Variants in ADGRV1 observed in about 807,000 individuals in gnomAD.
ADGRV1 encodes adhesion G protein-coupled receptor V1.
Under a neutral mutation model 596.2 loss-of-function variants are expected in ADGRV1, and 359 were observed. The ratio of observed to expected loss-of-function variants is 0.60; its 90% CI spans 0.55 to 0.66. ADGRV1 has a LOEUF of 0.66. Ranked by LOEUF, ADGRV1 falls within the 30% of genes least tolerant of loss-of-function variation. ADGRV1 has a pLI of 0.00. For missense variants in ADGRV1, 7,274 were observed against 7,575.6 expected (o/e 0.96, Z 1.48); for synonymous variants, 2,681 against 2,679.2 (o/e 1.00, Z -0.02).
At chr5:90,715,335 G>T (rs1050760217) in intron 42 of ADGRV1, among the ~76,000 whole-genome samples, 1 of 152,210 alleles carries the variant, frequency 6.6e-6, no homozygotes, top group Non-Finnish European at 1.5e-5. Flanking sequence ...GCTTAGGACT[G>T]TCCCATGACA....
chr5:90,880,149 C>T (rs1302818432), intron 83 of ADGRV1, among the ~76,000 whole-genome samples: 1 of 152,042 alleles, frequency 6.6e-6, no homozygotes, highest in African/African-American at 2.4e-5. Context: ...GTAGACATTG[C>T]CATCCTCATT....
intron 39 of ADGRV1, among the ~76,000 whole-genome samples, chr5:90,709,478 T>A (rs1056792465): frequency 6.6e-6 from 1 of 152,180 alleles, no homozygotes; most frequent in Non-Finnish European, 1.5e-5. Context: ...AGTGTGGACA[T>A]TTACTACTGG....
In ADGRV1 at chr5:90,915,905, A is replaced by G. The variant is rs193237965; in HGVS notation, c.17857-49510A>G. 9.1e-4 allele frequency among the ~76,000 whole-genome samples: 138 copies of G among 152,202 alleles called. 1 individual carries two copies. The highest frequency in any genetic ancestry group is 3.2e-3 in the African/African-American group (134 of 41,518). On this transcript the variant is annotated intron_variant, in intron 83 of 89. Coordinates refer to ENST00000405460, the MANE Select transcript of ADGRV1 (RefSeq NM_032119.4). ...TAAGGCGTTTGGCCATACCTAACAT[A>G]ATTTATTTGTTCATACTTTCAAGCC...
chr5:90,821,881 C>G (rs1462882618), intron 75 of ADGRV1, among the ~76,000 whole-genome samples: 1 of 152,164 alleles, frequency 6.6e-6, no homozygotes, highest in Admixed American at 6.5e-5. Flanking sequence ...TTGTCTGTGC[C>G]CTGCCCCCAG....
intron 67 of ADGRV1, among the ~76,000 whole-genome samples, chr5:90,787,494 T>A (rs571710185): frequency 1.3e-5 from 2 of 152,018 alleles, no homozygotes; most frequent in Non-Finnish European, 1.5e-5. Context: ...TAATATAGAT[T>A]TTTATATGTT....
chr5:91,034,889 G>A (rs748884745), intron 85 of ADGRV1, among the ~76,000 whole-genome samples: 4 of 152,018 alleles, frequency 2.6e-5, no homozygotes, highest in African/African-American at 4.8e-5. Context: ...AGGTGCAAGC[G>A]GTCCTCCCCC....
chr5:90,887,164 A>G (rs1338352580), intron 83 of ADGRV1, among the ~76,000 whole-genome samples: 1 of 152,058 alleles, frequency 6.6e-6, no homozygotes, highest in African/African-American at 2.4e-5. Context: ...CATATCACCA[A>G]TCTACCACCC....
intron 1 of ADGRV1, among the ~76,000 whole-genome samples, chr5:90,571,823 T>G (rs1373109527): frequency 1.3e-5 from 2 of 152,106 alleles, no homozygotes; most frequent in African/African-American, 4.8e-5. Flanking sequence ...CTGGGAGAGT[T>G]GTGTGGGAAT....
At chr5:90,631,548 T>C (rs1765504018) in intron 9 of ADGRV1, among the ~76,000 whole-genome samples, 1 of 152,178 alleles carries the variant, frequency 6.6e-6, no homozygotes, top group Non-Finnish European at 1.5e-5. Flanking sequence ...TCTTTATTAT[T>C]ATTAATTTTT....
chr5:90,821,554 C>G (rs1386473606), intron 75 of ADGRV1, among the ~76,000 whole-genome samples: 4 of 151,026 alleles, frequency 2.6e-5, no homozygotes. Flanking sequence ...GTTTTATCTA[C>G]TTTTGGTCTT....
At chr5:91,040,102 A>T (rs1337519569) in intron 85 of ADGRV1, among the ~76,000 whole-genome samples, 1 of 152,162 alleles carries the variant, frequency 6.6e-6, no homozygotes, top group African/African-American at 2.4e-5. Flanking sequence ...AAATGTAGAA[A>T]ATTATTGTAA....
chr5:90,629,215 G>A lies in ADGRV1; in HGVS notation c.1515G>A (p.Leu505=), dbSNP rs2149382943. ...GAEVSEPAEL[L]FYIQDSDDVY... ...ATTTTATTCCTTTACTTCAGCTTTT[G>A]TTCTACATTCAGGATAGTGATGATG... The change falls in exon 9 of 90, where the codon TTG becomes TTA. Residue 505 remains leucine (L), a synonymous_variant. Transcript: ENST00000405460. 1 of 1,533,642 alleles carries A rather than the reference G, an allele frequency of 6.5e-7. No homozygotes were observed. The highest frequency in any genetic ancestry group is 8.8e-7 in the Non-Finnish European group (1 of 1,141,038).
chr5:90,720,746 T>C (rs961196453), intron 44 of ADGRV1, among the ~76,000 whole-genome samples, 189 bp from the exon 45 acceptor site: 3 of 152,214 alleles, frequency 2.0e-5, no homozygotes, highest in African/African-American at 7.2e-5. Context: ...GAATGACAAT[T>C]TTATTTCTTT....
chr5:90,788,894 TCA>T (rs1398966241), intron 68 of ADGRV1, among the ~76,000 whole-genome samples: 4 of 132,104 alleles, frequency 3.0e-5, no homozygotes, highest in African/African-American at 9.3e-5. Context: ...ACACACACAC[TCA>T]CACACACAGC....
At chr5:90,761,340 TG>T (rs1196903386) in intron 58 of ADGRV1, among the ~76,000 whole-genome samples, 1 of 152,222 alleles carries the variant, frequency 6.6e-6, no homozygotes, top group Admixed American at 6.5e-5. Flanking sequence ...AGTGTTGGAT[TG>T]GCAAAAGAGT....
chr5:91,102,373 C>T (rs367854314), intron 87 of ADGRV1, 33 bp downstream of exon 87: 98 of 1,539,948 alleles, frequency 6.4e-5, no homozygotes, highest in Non-Finnish European at 8.0e-5. Context: ...TGACAACATA[C>T]ATTTATCTTA....
intron 78 of ADGRV1, among the ~76,000 whole-genome samples, chr5:90,844,407 GTAT>G (rs1222210604): frequency 6.6e-6 from 1 of 152,072 alleles, no homozygotes; most frequent in East Asian, 1.9e-4. Flanking sequence ...AGTGGCACAA[GTAT>G]TATACTAAAA....
chr5:90,886,923 A>G (rs1288189776), intron 83 of ADGRV1, among the ~76,000 whole-genome samples: 3 of 152,066 alleles, frequency 2.0e-5, no homozygotes, highest in African/African-American at 7.2e-5. Context: ...TCCATCTACT[A>G]CCTTTTGCCA....
At chr5:90,709,829 A>T (rs1749099797) in intron 39 of ADGRV1, among the ~76,000 whole-genome samples, 1 of 152,206 alleles carries the variant, frequency 6.6e-6, no homozygotes, top group South Asian at 2.1e-4. Flanking sequence ...AACAATTCAT[A>T]TTTCTTTCAT....
Sources: allele counts gnomAD v4.1 joint callset (sites outside exome capture counted in the v4.1 genomes callset), GRCh38; gene constraint gnomAD v4.1.1; transcripts MANE v1.5; gene names NCBI Gene and HGNC (gene_info 2026-07-23, HGNC 2026-07-21).